Variants in CASQ2 observed in about 807,000 individuals in gnomAD.
The protein encoded by CASQ2 is calsequestrin-2.
A neutral mutation model predicts 46.5 loss-of-function variants in CASQ2; 49 were observed. The observed-to-expected ratio is 1.05, with a 90% CI of 0.84 to 1.34. CASQ2 has a LOEUF of 1.34. Ranked by LOEUF, CASQ2 falls within the 40% of genes most tolerant of loss-of-function variation. The pLI is 0.00. For missense variants in CASQ2, 486 were observed against 481.3 expected, an observed-to-expected ratio of 1.01 and a Z score of -0.09; for synonymous variants, 174 against 168.5, an observed-to-expected ratio of 1.03 and a Z score of -0.25.
At position 115,701,006 on chromosome 1, in the gene CASQ2, A is replaced by C; in HGVS notation, c.*235T>G. 1 of 648,870 alleles carries C rather than the reference A, an allele frequency of 1.5e-6. No homozygotes were observed. 40.2% of individuals were successfully genotyped at this position (648,870 alleles called of 1,614,324 possible). On this transcript the variant is annotated 3_prime_UTR_variant, in exon 11 of 11. Coordinates refer to ENST00000261448, the MANE Select transcript of CASQ2 (RefSeq NM_001232.4). ...AACAAGATCTGTTCCGTGACAGTCA[A>C]GACAGTCAACATGGGAATAATTTTT...
At chr1:115,702,080 G>T (rs1654223085) in intron 10 of CASQ2, among the ~76,000 whole-genome samples, 1 of 151,974 alleles carries the variant, frequency 6.6e-6, no homozygotes, top group Admixed American at 6.6e-5. Context: ...CCATGACCAT[G>T]CCTGGCTAAT....
chr1:115,724,581 G>A (rs919040688), intron 7 of CASQ2, among the ~76,000 whole-genome samples: 1 of 152,196 alleles, frequency 6.6e-6, no homozygotes, highest in African/African-American at 2.4e-5. Context: ...ATGAACTTCT[G>A]TACATAAGGT....
chr1:115,704,323 A>C (rs1185149851), intron 9 of CASQ2, among the ~76,000 whole-genome samples: 1 of 152,220 alleles, frequency 6.6e-6, no homozygotes, highest in Non-Finnish European at 1.5e-5. Context: ...CAGTCGGTAG[A>C]CCAGGCTTTA....
chr1:115,709,375 T>C (rs2101060132), intron 8 of CASQ2, among the ~76,000 whole-genome samples: 1 of 152,372 alleles, frequency 6.6e-6, no homozygotes, highest in East Asian at 1.9e-4. Flanking sequence ...GATGAATGAC[T>C]GAGTTTAAAA....
chr1:115,711,128 G>A (rs1654531501), intron 8 of CASQ2, among the ~76,000 whole-genome samples: 1 of 152,222 alleles, frequency 6.6e-6, no homozygotes, highest in Non-Finnish European at 1.5e-5. Context: ...ACTCCTGGGG[G>A]AGCTGGCTGT....
intron 2 of CASQ2, among the ~76,000 whole-genome samples, chr1:115,744,602 C>T (rs1037143191): frequency 9.8e-5 from 15 of 152,294 alleles, no homozygotes; most frequent in Middle Eastern, 3.4e-3. Flanking sequence ...CCCTCTTCAT[C>T]GTACTGATAC....
rs138621149 is a variant in CASQ2 at position 115,707,222 on chromosome 1, G to T, written c.839-1930C>A. 6.8e-3 allele frequency among the ~76,000 whole-genome samples: 1,041 copies of T among 152,074 alleles called. 15 individuals carry two copies. The highest frequency in any genetic ancestry group is 0.024 in the African/African-American group (995 of 41,452). On this transcript the variant is annotated intron_variant, in intron 8 of 10. Transcript: ENST00000261448. ...ATTGTTTTATTTTGTGCAGACAGGG[G>T]TCTCACATTGTTGCCCAGGTTGGTT...
rs749796276 is a variant in CASQ2, at chr1:115,727,038, G to T, written c.691C>A (p.Pro231Thr). The T allele has an allele frequency of 1.2e-6, 2 of 1,613,850 alleles. No individual in the cohort carries two copies. Among genetic ancestry groups the T allele is most frequent in the Non-Finnish European group, 1.7e-6 (2 of 1,179,798 alleles). ...TCCACCAGCTCCTCTTCTGTGTAAG[G>T]TTTGTTGGGGATGGCAATGGGCTCA... ...MDEPIAIPNK[P>T]YTEEELVEFV... The change falls in exon 6 of 11, where the codon CCT (proline) becomes ACT (threonine). Residue 231 changes from proline to threonine, a missense_variant. Transcript: ENST00000261448.
At chr1:115,727,808 C>T (rs1647645695) in intron 5 of CASQ2, among the ~76,000 whole-genome samples, 1 of 152,148 alleles carries the variant, frequency 6.6e-6, no homozygotes, top group South Asian at 2.1e-4. Flanking sequence ...CCCCAGTAAG[C>T]CAGGATGATT....
chr1:115,721,466 G>A (rs1014072049), intron 7 of CASQ2, among the ~76,000 whole-genome samples: 2 of 152,138 alleles, frequency 1.3e-5, no homozygotes, highest in African/African-American at 4.8e-5. Flanking sequence ...TAGAGTGAGA[G>A]AAAGATCAAT....
At chr1:115,752,068 C>CAG (rs1648600261) in intron 1 of CASQ2, among the ~76,000 whole-genome samples, 1 of 152,176 alleles carries the variant, frequency 6.6e-6, no homozygotes, top group Non-Finnish European at 1.5e-5. Context: ...TCACACAAAG[C>CAG]CACCAACACA....
intron 5 of CASQ2, among the ~76,000 whole-genome samples, chr1:115,731,892 A>C (rs568184490): frequency 6.6e-6 from 1 of 152,134 alleles, no homozygotes; most frequent in East Asian, 1.9e-4. Context: ...GGCACATAAA[A>C]ATTTTTTTGA....
intron 5 of CASQ2, among the ~76,000 whole-genome samples, chr1:115,728,240 A>G (rs191737401): frequency 1.2e-4 from 18 of 152,258 alleles, no homozygotes; most frequent in African/African-American, 4.3e-4. Flanking sequence ...AAACATTGAT[A>G]TCCATATGGT....
chr1:115,753,304 T>C (rs1020839288), intron 1 of CASQ2, among the ~76,000 whole-genome samples: 22 of 152,168 alleles, frequency 1.4e-4, no homozygotes, highest in Middle Eastern at 3.4e-3. Flanking sequence ...GAAAGAAGCC[T>C]ACCCTGGAGG....
intron 10 of CASQ2, among the ~76,000 whole-genome samples, chr1:115,702,247 T>A (rs994435568): frequency 2.0e-5 from 3 of 152,176 alleles, no homozygotes; most frequent in Non-Finnish European, 2.9e-5. Context: ...AGAGATTCTA[T>A]CTTAATTAAG....
chr1:115,719,455 C>T (rs372015067), intron 7 of CASQ2, among the ~76,000 whole-genome samples: 2 of 152,168 alleles, frequency 1.3e-5, no homozygotes, highest in African/African-American at 4.8e-5. Context: ...CCTGCTAGAA[C>T]GCATTTGGAA....
At chr1:115,711,609 C>G (rs1337602793) in intron 8 of CASQ2, among the ~76,000 whole-genome samples, 25 of 131,682 alleles carry the variant, frequency 1.9e-4, no homozygotes, top group African/African-American at 7.5e-4. Flanking sequence ...TTTTTTTTCA[C>G]TACTTTGATC....
chr1:115,704,197 G>A (rs1654296215), intron 9 of CASQ2, among the ~76,000 whole-genome samples: 1 of 152,132 alleles, frequency 6.6e-6, no homozygotes, highest in African/African-American at 2.4e-5. Flanking sequence ...TTTAATCACA[G>A]TATCATCAGT....
At chr1:115,749,670 G>A (rs1259262103) in intron 1 of CASQ2, among the ~76,000 whole-genome samples, 1 of 152,194 alleles carries the variant, frequency 6.6e-6, no homozygotes, top group African/African-American at 2.4e-5. Flanking sequence ...GGGAGCCAAG[G>A]GTGCCAGGTA....
Sources: gnomAD v4.1 joint callset for allele counts (sites outside exome capture counted in the v4.1 genomes callset) on GRCh38, gnomAD v4.1.1 for gene constraint, MANE v1.5 for transcripts, NCBI Gene and HGNC (gene_info 2026-07-23, HGNC 2026-07-21) for gene names.